The following DDX19B variants were observed in gnomAD, a reference collection of about 807,000 sequenced individuals.
DDX19B encodes DEAD-box helicase 19B, also known as ATP-dependent RNA helicase DDX19B.
In DDX19B, 27 loss-of-function variants were observed where a neutral mutation model predicts 58.1. That is an observed-to-expected ratio of 0.46 (90% CI 0.34 to 0.64). The LOEUF (loss-of-function observed/expected upper bound fraction) is 0.64. Among genes scored for constraint, DDX19B ranks in the 30% least tolerant of loss-of-function variants. The probability of loss-of-function intolerance (pLI) is 0.01; values close to 1 mark genes in which losing one functional copy is unlikely to be tolerated. For missense variants in DDX19B, 399 were observed against 596.5 expected (o/e 0.67, Z 3.45); for synonymous variants, 187 against 214.4 (o/e 0.87, Z 1.12).
At chr16:70,322,886 C>T (rs1200439551) in intron 5 of DDX19B, among the ~76,000 whole-genome samples, 1 of 129,668 alleles carries the variant, frequency 7.7e-6, no homozygotes, top group Admixed American at 8.6e-5. Flanking sequence ...AGTGAAACTC[C>T]GTTGCAAAAA....
chr16:70,306,803 T>C (rs574865957), intron 1 of DDX19B, among the ~76,000 whole-genome samples: 18 of 152,322 alleles, frequency 1.2e-4, no homozygotes, highest in African/African-American at 3.6e-4. Context: ...GTGTAGCTTA[T>C]ATCACAGTCA....
upstream of DDX19B, among the ~76,000 whole-genome samples, chr16:70,294,600 C>T (rs912784749): frequency 6.6e-6 from 1 of 152,214 alleles, no homozygotes; most frequent in African/African-American, 2.4e-5. Context: ...GATTAAAGAT[C>T]TTGCCCTGCC....
chr16:70,305,064 CA>C (rs1322943147), intron 1 of DDX19B, among the ~76,000 whole-genome samples: 3 of 152,136 alleles, frequency 2.0e-5, no homozygotes, highest in Non-Finnish European at 4.4e-5. Context: ...CTTGCTTGGC[CA>C]CTCATATTTA....
rs1036721651 is a variant in DDX19B, at chr16:70,334,868, A to G, written c.*1286A>G. The G allele has an allele frequency of 6.6e-6, 1 of 152,260 alleles. No individual in the cohort carries two copies. Among genetic ancestry groups the G allele is most frequent in the Non-Finnish European group, 1.5e-5 (1 of 68,056 alleles). 9.4% of individuals were successfully genotyped at this position (152,260 alleles called of 1,614,324 possible). On this transcript the variant is annotated 3_prime_UTR_variant, in exon 12 of 12. Transcript: ENST00000288071. ...TGAGAGGAAACTGAATTGCAAGAGC[A>G]ATATGAAACCCCAACCAAGAGGAGT...
At chr16:70,307,930 T>G (rs992676633) in intron 1 of DDX19B, among the ~76,000 whole-genome samples, 1 of 150,330 alleles carries the variant, frequency 6.7e-6, no homozygotes, top group South Asian at 2.1e-4. Context: ...TTTAAATTTA[T>G]TATTTATTTA....
intron 8 of DDX19B, 52 bp downstream of exon 8, chr16:70,329,521 T>C (rs749658382): frequency 5.0e-6 from 8 of 1,606,928 alleles, no homozygotes; most frequent in Non-Finnish European, 6.8e-6. Context: ...TGCAGTGTCT[T>C]CTCCCTTCAC....
chr16:70,330,906 G>A (rs1056678435), intron 9 of DDX19B, among the ~76,000 whole-genome samples: 5 of 152,022 alleles, frequency 3.3e-5, no homozygotes, highest in African/African-American at 9.6e-5. Context: ...TTAGCCAGGC[G>A]TGGTGGTGCA....
upstream of DDX19B, among the ~76,000 whole-genome samples, chr16:70,294,527 A>G (rs773587898): frequency 1.3e-4 from 20 of 152,046 alleles, 1 homozygote; most frequent in Non-Finnish European, 2.5e-4. Context: ...CCACGGGGGG[A>G]GATGCTAATG....
At chr16:70,294,373 G>T (rs1303095232), upstream of DDX19B, among the ~76,000 whole-genome samples, 1 of 152,122 alleles carries the variant, frequency 6.6e-6, no homozygotes, top group Non-Finnish European at 1.5e-5. Context: ...GAGCCACCGT[G>T]CCCGGCCGAG....
intron 1 of DDX19B, among the ~76,000 whole-genome samples, chr16:70,305,254 G>C (rs1223794218): frequency 6.6e-6 from 1 of 152,218 alleles, no homozygotes; most frequent in Non-Finnish European, 1.5e-5. Flanking sequence ...GTGGAGGTCT[G>C]ACTCAGTGTT....
intron 4 of DDX19B, among the ~76,000 whole-genome samples, chr16:70,316,552 A>T (rs1962425687): frequency 6.6e-6 from 1 of 152,160 alleles, no homozygotes; most frequent in Non-Finnish European, 1.5e-5. Flanking sequence ...GCCGTAGTGC[A>T]CACCTGTAAT....
At chr16:70,308,120 T>C (rs1961865685) in intron 1 of DDX19B, among the ~76,000 whole-genome samples, 1 of 150,998 alleles carries the variant, frequency 6.6e-6, no homozygotes, top group Non-Finnish European at 1.5e-5. Flanking sequence ...GCCCAGCTAG[T>C]TTTTATATTT....
rs969094658 is a variant in DDX19B, at chr16:70,312,611, G to C, written c.60G>C (p.Leu20Phe). The change falls in exon 2 of 12, where the codon TTG becomes TTC. Residue 20 changes from leucine (L) to phenylalanine (F), a missense_variant and splice_region_variant. Transcript: ENST00000288071. ...VDEQEAAAES[L>F]SNLHLKEEKI... ...CCTCCCCCATATTCTCCATTTAGTTGAGCAACTTGCATCTTAAGGAAGAGA... is the reference window on the plus strand; with the variant it reads ...CCTCCCCCATATTCTCCATTTAGTTCAGCAACTTGCATCTTAAGGAAGAGA... 1 of 1,612,964 alleles carries C rather than the reference G, an allele frequency of 6.2e-7. No individual in the cohort carries two copies. The highest frequency in any genetic ancestry group is 8.5e-7 in the Non-Finnish European group (1 of 1,179,394).
rs142266112 is a variant in DDX19B, at chr16:70,301,886, T to C, written c.57+2532T>C. 4.9e-3 allele frequency among the ~76,000 whole-genome samples: 747 copies of C among 151,850 alleles called. 13 individuals carry two copies. Among genetic ancestry groups the C allele is most frequent in the African/African-American group, 0.017 (692 of 41,424 alleles). On this transcript the variant is annotated intron_variant, in intron 1 of 11. Transcript: ENST00000288071. ...GCATAGCTTTTCCCAGAACTCTTATTAGATGAATGTTGGATCTGTTGGACT... is the reference window on the plus strand; with the variant it reads ...GCATAGCTTTTCCCAGAACTCTTATCAGATGAATGTTGGATCTGTTGGACT...
intron 4 of DDX19B, among the ~76,000 whole-genome samples, chr16:70,316,352 G>C (rs958685428): frequency 2.0e-5 from 3 of 152,008 alleles, no homozygotes; most frequent in African/African-American, 7.2e-5. Flanking sequence ...TGAGATTACA[G>C]GTGCACACCA....
At chr16:70,294,813 GT>G (rs1201239898), upstream of DDX19B, 10 of 1,459,502 alleles carry the variant, frequency 6.9e-6, no homozygotes, top group Non-Finnish European at 8.1e-6. Flanking sequence ...AAGAGCAGCG[GT>G]TGTTGGAGTG....
At chr16:70,322,999 T>A (rs1962930035) in intron 5 of DDX19B, among the ~76,000 whole-genome samples, 1 of 152,008 alleles carries the variant, frequency 6.6e-6, no homozygotes, top group Non-Finnish European at 1.5e-5. Context: ...CACTTTTAGT[T>A]CATGTTTCTT....
At chr16:70,311,664 T>C (rs1962101347) in intron 1 of DDX19B, among the ~76,000 whole-genome samples, 1 of 152,106 alleles carries the variant, frequency 6.6e-6, no homozygotes, top group Admixed American at 6.6e-5. Flanking sequence ...TTCAGCCCAG[T>C]GGGTATTTTA....
At chr16:70,320,920 C>T (rs144312877) in intron 5 of DDX19B, among the ~76,000 whole-genome samples, 1 of 150,474 alleles carries the variant, frequency 6.6e-6, no homozygotes, top group Non-Finnish European at 1.5e-5. Flanking sequence ...CTCAAACCCC[C>T]CAAAGTGTTG....
Sources: allele counts gnomAD v4.1 joint callset (sites outside exome capture counted in the v4.1 genomes callset), GRCh38; gene constraint gnomAD v4.1.1; transcripts MANE v1.5; gene names NCBI Gene and HGNC (gene_info 2026-07-23, HGNC 2026-07-21).